ADAM32: variants seen among roughly 807,000 people sequenced by gnomAD.
ADAM32 encodes disintegrin and metalloproteinase domain-containing protein 32.
Under a neutral mutation model 114.9 loss-of-function variants are expected in ADAM32, and 89 were observed. The observed-to-expected ratio is 0.77, with a 90% confidence interval of 0.65 to 0.92. The LOEUF is 0.92. ADAM32 is among the 40% of genes least tolerant of loss of function. The probability of loss-of-function intolerance (pLI) is 0.00; values close to 1 mark genes in which losing one functional copy is unlikely to be tolerated. For synonymous variants in ADAM32, 285 were observed against 307.5 expected (o/e 0.93, Z 0.77); for missense variants, 870 against 932.8 (o/e 0.93, Z 0.88).
rs140159393 is a variant in ADAM32 at position 39,192,418 on chromosome 8, A to G, written c.1052+5373A>G. Among the ~76,000 whole-genome samples, 716 of 152,106 alleles carry G rather than the reference A, an allele frequency of 4.7e-3. 3 individuals are homozygous for G. Among genetic ancestry groups the G allele is most frequent in the African/African-American group, 0.017 (689 of 41,474 alleles). The stretch of plus-strand genomic sequence containing the variant: ...GAGCCTATGGATGTCATTGTATGTG[A>G]GATGGTTTTCTTGAAGACAGCATAT... On this transcript the variant is annotated intron_variant, in intron 11 of 24. Transcript: ENST00000379907.
intron 22 of ADAM32, among the ~76,000 whole-genome samples, chr8:39,277,117 C>T (rs984664854): frequency 6.6e-6 from 1 of 152,162 alleles, no homozygotes; most frequent in African/African-American, 2.4e-5. Context: ...ATGATGTTGT[C>T]GCTTCCTCCA....
intron 17 of ADAM32, among the ~76,000 whole-genome samples, chr8:39,247,832 C>T (rs1223636353): frequency 1.3e-5 from 2 of 149,296 alleles, no homozygotes; most frequent in East Asian, 3.9e-4. Context: ...TTGCATTTTA[C>T]ATTTAGGCCT....
At chr8:39,178,146 A>G (rs1805638393) in intron 10 of ADAM32, among the ~76,000 whole-genome samples, 3 of 152,132 alleles carry the variant, frequency 2.0e-5, no homozygotes, top group Admixed American at 2.0e-4. Context: ...TCTTTCAGGT[A>G]TCTTAATCAG....
chr8:39,111,359 C>T (rs2129444004), intron 1 of ADAM32, among the ~76,000 whole-genome samples: 1 of 152,272 alleles, frequency 6.6e-6, no homozygotes. Flanking sequence ...CTTTTACCTC[C>T]TCATGTAAAC....
rs148999659 is a variant in ADAM32, at chr8:39,135,486, T to C, written c.139-1171T>C. 7.7e-4 allele frequency among the ~76,000 whole-genome samples: 117 copies of C among 152,352 alleles called. 1 individual carries two copies. The highest frequency in any genetic ancestry group is 2.8e-3 in the African/African-American group (115 of 41,586). ...ATACTGTTCACTCAGTTTCCTGTAA[T>C]GTTAGCTCTTATATAGCCACATGAA... On this transcript the variant is annotated intron_variant, in intron 2 of 24. Transcript: ENST00000379907.
intron 11 of ADAM32, among the ~76,000 whole-genome samples, chr8:39,203,613 A>G (rs1807597006): frequency 2.0e-5 from 3 of 151,878 alleles, no homozygotes. Flanking sequence ...TTTTAATTGG[A>G]GCATTTAGCC....
chr8:39,222,028 T>G (rs1009371101), intron 13 of ADAM32, among the ~76,000 whole-genome samples: 1 of 151,992 alleles, frequency 6.6e-6, no homozygotes, highest in Admixed American at 6.6e-5. Context: ...AAAAACGTTT[T>G]TATGGGTTGT....
At chr8:39,114,801 C>G (rs1217525100) in intron 1 of ADAM32, among the ~76,000 whole-genome samples, 1 of 152,094 alleles carries the variant, frequency 6.6e-6, no homozygotes, top group African/African-American at 2.4e-5. Context: ...GTTCTATGTA[C>G]AAATGATTTC....
At chr8:39,112,523 G>A (rs12543388) in intron 1 of ADAM32, among the ~76,000 whole-genome samples, 40,092 of 151,948 alleles carry the variant, frequency 0.26, 5,283 homozygotes, top group South Asian at 0.31. Flanking sequence ...TTTAGACAAC[G>A]TAGCCTTTCA....
chr8:39,156,774 C>T (rs1804178360), intron 6 of ADAM32, among the ~76,000 whole-genome samples: 1 of 152,164 alleles, frequency 6.6e-6, no homozygotes, highest in South Asian at 2.1e-4. Context: ...GGTCTTCCTT[C>T]TGTGTTTGTG....
Position 39,257,202 on chromosome 8 carries a change from G to A in ADAM32, c.2021G>A (p.Arg674Lys). ...PEEDMGSIMERASGKTENTWL... is the reference protein window; with the variant it reads ...PEEDMGSIMEKASGKTENTWL... ...CTGTTTTTAGGTTCAATCATGGAAA[G>A]AGCATCTGGGAAGACTGAAAACACC... The change falls in exon 19 of 25, where the codon AGA becomes AAA. Residue 674 changes from arginine to lysine, a missense_variant. Arg to Lys is a conservative substitution (Grantham distance 26, BLOSUM62 2). Transcript: ENST00000379907. 3.8e-6 allele frequency: 6 copies of A among 1,583,672 alleles called. No individual in the cohort carries two copies. The highest frequency in any genetic ancestry group is 1.2e-5 in the South Asian group (1 of 85,324).
intron 4 of ADAM32, 63 bp from the exon 5 acceptor site, chr8:39,149,728 T>C: frequency 1.7e-6 from 2 of 1,165,502 alleles, no homozygotes; most frequent in Non-Finnish European, 2.5e-6. Context: ...AGTATAGAAG[T>C]AGGAAATCAC....
intron 12 of ADAM32, among the ~76,000 whole-genome samples, chr8:39,220,033 A>G (rs1808844920): frequency 6.6e-6 from 1 of 152,140 alleles, no homozygotes; most frequent in Non-Finnish European, 1.5e-5. Context: ...TCTGTCTAAC[A>G]CTGTCAGTGG....
chr8:39,284,505 A>G (rs1813657827), intron 24 of ADAM32, among the ~76,000 whole-genome samples: 2 of 152,140 alleles, frequency 1.3e-5, no homozygotes, highest in Non-Finnish European at 2.9e-5. Flanking sequence ...CATTAACTTA[A>G]TTGTTAAATT....
chr8:39,215,217 G>A (rs1177549318), intron 12 of ADAM32, among the ~76,000 whole-genome samples: 3 of 151,882 alleles, frequency 2.0e-5, no homozygotes, highest in Non-Finnish European at 4.4e-5. Context: ...TGTGAGGAAT[G>A]TCACTGGTAT....
At chr8:39,162,481 G>A (rs1170870593) in intron 7 of ADAM32, among the ~76,000 whole-genome samples, 1 of 152,076 alleles carries the variant, frequency 6.6e-6, no homozygotes, top group Non-Finnish European at 1.5e-5. Flanking sequence ...ACGTGTGCAT[G>A]TGTCTTTATA....
intron 11 of ADAM32, among the ~76,000 whole-genome samples, chr8:39,196,437 C>T (rs1806999852): frequency 6.6e-6 from 1 of 152,038 alleles, no homozygotes; most frequent in African/African-American, 2.4e-5. Context: ...AGGCTTTAAG[C>T]TTTTTCCTGT....
intron 6 of ADAM32, among the ~76,000 whole-genome samples, chr8:39,157,247 A>C (rs536247473): frequency 2.6e-5 from 4 of 152,200 alleles, no homozygotes; most frequent in Non-Finnish European, 5.9e-5. Flanking sequence ...GGACACTTTG[A>C]TTATAATATG....
At chr8:39,267,725 G>T (rs772036967) in intron 19 of ADAM32, among the ~76,000 whole-genome samples, 1 of 152,218 alleles carries the variant, frequency 6.6e-6, no homozygotes, top group East Asian at 1.9e-4. Context: ...CCCTGCTACT[G>T]TGTCATGCCT....
Sources: allele counts gnomAD v4.1 joint callset (sites outside exome capture counted in the v4.1 genomes callset), GRCh38; gene constraint gnomAD v4.1.1; transcripts MANE v1.5; gene names NCBI Gene and HGNC (gene_info 2026-07-23, HGNC 2026-07-21).